The following NELL1 variants were observed in gnomAD, a reference collection of about 807,000 sequenced individuals.
NELL1 encodes neural EGFL like 1.
A neutral mutation model predicts 107.4 loss-of-function variants in NELL1; 76 were observed. The ratio of observed to expected loss-of-function variants is 0.71; its 90% CI spans 0.59 to 0.86. The LOEUF (loss-of-function observed/expected upper bound fraction) is 0.86, where lower values mean the gene tolerates loss of function less well. Among genes scored for constraint, NELL1 ranks in the 40% least tolerant of loss-of-function variants. NELL1 has a pLI of 0.00. For missense variants in NELL1, 1,024 were observed against 1,005.5 expected (o/e 1.02, Z -0.25); for synonymous variants, 353 against 341.2 (o/e 1.03, Z -0.38).
chr11:21,105,064 G>A lies in NELL1; in HGVS notation c.1301-8525G>A, dbSNP rs114499463. 5.0e-3 allele frequency among the ~76,000 whole-genome samples: 756 copies of A among 152,176 alleles called. 9 individuals carry two copies. Among genetic ancestry groups the A allele is most frequent in the African/African-American group, 0.018 (728 of 41,526 alleles). On this transcript the variant is annotated intron_variant, in intron 12 of 19. Coordinates refer to ENST00000357134, the MANE Select transcript of NELL1 (RefSeq NM_006157.5). ...GTAGGGCTTCCACATATGAATTTGG[G>A]GGGGACACAGTTCAGTTCATAGCAG...
chr11:21,355,576 T>C (rs1176821219), intron 14 of NELL1, among the ~76,000 whole-genome samples: 2 of 152,222 alleles, frequency 1.3e-5, no homozygotes, highest in East Asian at 1.9e-4. Context: ...TCTAGAATCA[T>C]GCTTTTACTA....
chr11:20,982,944 A>G (rs12419965), intron 12 of NELL1, among the ~76,000 whole-genome samples: 22,565 of 152,160 alleles, frequency 0.15, 2,120 homozygotes, highest in East Asian at 0.26. Context: ...TATTTTTCAG[A>G]TATCTCTTTT....
At position 21,368,353 on chromosome 11, in the gene NELL1, TGG is replaced by T. The variant is rs1491015274; in HGVS notation, c.1550-2499_1550-2498del. Among the ~76,000 whole-genome samples, 791 of 133,446 alleles carry T rather than the reference TGG, an allele frequency of 5.9e-3. 5 individuals carry two copies. The highest frequency in any genetic ancestry group is 0.02 in the African/African-American group (734 of 36,654). The allele number at this position is 133,446 out of a possible 152,430, so 87.5% of individuals were successfully genotyped here. ...AATGCGACATGTGCAATTTAGGCAT[TGG>T]TTTTTTTTTTTTTTCTTTTAACTTT... On this transcript the variant is annotated intron_variant, in intron 14 of 19. Coordinates refer to ENST00000357134, the MANE Select transcript of NELL1 (RefSeq NM_006157.5).
intron 2 of NELL1, among the ~76,000 whole-genome samples, chr11:20,708,067 C>T (rs1010951100): frequency 3.9e-5 from 6 of 152,226 alleles, no homozygotes; most frequent in African/African-American, 7.2e-5. Context: ...CTCCCAGCCT[C>T]GCTGCTGCTT....
At chr11:21,564,036 A>T (rs1391618159) in intron 17 of NELL1, among the ~76,000 whole-genome samples, 1 of 151,840 alleles carries the variant, frequency 6.6e-6, no homozygotes, top group African/African-American at 2.4e-5. Context: ...CCAGGAGATT[A>T]TGATGAGCCA....
chr11:20,942,930 G>A (rs989398136), intron 10 of NELL1, among the ~76,000 whole-genome samples: 5 of 152,136 alleles, frequency 3.3e-5, no homozygotes, highest in African/African-American at 1.2e-4. Context: ...GAGGAGCCAG[G>A]CAGACACCAT....
At chr11:21,532,248 T>C (rs2133968556) in intron 15 of NELL1, among the ~76,000 whole-genome samples, 1 of 152,318 alleles carries the variant, frequency 6.6e-6, no homozygotes, top group Admixed American at 6.5e-5. Context: ...TGTCTGATTG[T>C]CTTCACTGCT....
At chr11:21,233,850 G>C (rs1023983838) in intron 14 of NELL1, among the ~76,000 whole-genome samples, 2 of 152,170 alleles carry the variant, frequency 1.3e-5, no homozygotes, top group Non-Finnish European at 2.9e-5. Flanking sequence ...ATAGGATGTG[G>C]TGATCTTTGA....
intron 14 of NELL1, among the ~76,000 whole-genome samples, chr11:21,302,903 A>T (rs896707020): frequency 7.0e-6 from 1 of 142,226 alleles, no homozygotes; most frequent in African/African-American, 2.9e-5. Context: ...AAAAAAATTA[A>T]AAAAAAAAAT....
At chr11:21,297,860 A>G (rs768540089) in intron 14 of NELL1, among the ~76,000 whole-genome samples, 4 of 151,956 alleles carry the variant, frequency 2.6e-5, no homozygotes, top group African/African-American at 9.7e-5. Context: ...CCTGTCTCAG[A>G]TGAGCCTTGA....
intron 14 of NELL1, among the ~76,000 whole-genome samples, chr11:21,309,293 TA>T (rs1270279780): frequency 5.0e-5 from 4 of 79,940 alleles, no homozygotes; most frequent in Non-Finnish European, 9.5e-5. Flanking sequence ...TATATATATA[TA>T]TATATGTATA....
Position 20,685,974 on chromosome 11 carries a change from CTT to C in NELL1, c.184+7915_184+7916del, listed in dbSNP as rs564157832. On this transcript the variant is annotated intron_variant, in intron 2 of 19. Transcript: ENST00000357134. Reference sequence around the variant, plus strand: ...TTTAAGGGTGACAGTGGATACGTCTCTTAATGTATTCAAGCCTCAGTTTCCTT... The same window carrying C: ...TTTAAGGGTGACAGTGGATACGTCTCAATGTATTCAAGCCTCAGTTTCCTT... 4.2e-3 allele frequency among the ~76,000 whole-genome samples: 634 copies of C among 152,056 alleles called. 3 individuals are homozygous for C. The highest frequency in any genetic ancestry group is 0.015 in the African/African-American group (613 of 41,496).
At chr11:21,244,162 T>C (rs1397099852) in intron 14 of NELL1, among the ~76,000 whole-genome samples, 1 of 152,144 alleles carries the variant, frequency 6.6e-6, no homozygotes, top group Non-Finnish European at 1.5e-5. Context: ...CAAATTTTAC[T>C]AAGATAAGAG....
chr11:21,102,274 A>C (rs11025919), intron 12 of NELL1, among the ~76,000 whole-genome samples: 8,207 of 152,282 alleles, frequency 0.054, 696 homozygotes, highest in African/African-American at 0.18. Context: ...CTATCTGTTC[A>C]TGAGCATGGC....
At chr11:21,422,373 T>C (rs1318259217) in intron 15 of NELL1, among the ~76,000 whole-genome samples, 3 of 152,172 alleles carry the variant, frequency 2.0e-5, no homozygotes, top group Non-Finnish European at 4.4e-5. Flanking sequence ...TAATTTTACA[T>C]GATTTAAGAG....
intron 12 of NELL1, among the ~76,000 whole-genome samples, chr11:21,044,108 A>T (rs1213936353): frequency 1.3e-5 from 2 of 152,120 alleles, no homozygotes; most frequent in Non-Finnish European, 2.9e-5. Flanking sequence ...AATCCTGAGG[A>T]TGCTTGAAGT....
At chr11:21,489,195 C>A (rs913384211) in intron 15 of NELL1, among the ~76,000 whole-genome samples, 3 of 151,218 alleles carry the variant, frequency 2.0e-5, no homozygotes, top group South Asian at 2.1e-4. Context: ...TGGATAAATT[C>A]CTGGAAACAT....
At chr11:21,060,652 C>T (rs988097113) in intron 12 of NELL1, among the ~76,000 whole-genome samples, 1 of 152,192 alleles carries the variant, frequency 6.6e-6, no homozygotes, top group Non-Finnish European at 1.5e-5. Context: ...GCTCCATTAT[C>T]TCTGAAAGCA....
rs528580613 is a variant in NELL1 at position 21,297,991 on chromosome 11, C to T, written c.1549+68537C>T. Among the ~76,000 whole-genome samples the T allele has an allele frequency of 2.0e-5, 3 of 152,046 alleles. No individual in the cohort carries two copies. The East Asian group carries it at 5.8e-4, about 30-fold the overall frequency. On this transcript the variant is annotated intron_variant, in intron 14 of 19. Coordinates refer to ENST00000357134, the MANE Select transcript of NELL1 (RefSeq NM_006157.5). ...CATCACCTGCCCATTGCTTGACATG[C>T]AAACCTTTTACTTTTTCCTCCATCA... is the stretch of plus-strand genomic sequence containing the variant.
Sources: gnomAD v4.1 joint callset for allele counts (sites outside exome capture counted in the v4.1 genomes callset) on GRCh38, gnomAD v4.1.1 for gene constraint, MANE v1.5 for transcripts, NCBI Gene and HGNC (gene_info 2026-07-23, HGNC 2026-07-21) for gene names.